HSF1: variants seen among roughly 807,000 people sequenced by gnomAD.
HSF1 encodes heat shock factor protein 1.
A neutral mutation model predicts 51.7 loss-of-function variants in HSF1; 32 were observed. The observed-to-expected ratio is 0.62, with a 90% confidence interval of 0.47 to 0.83. The LOEUF (loss-of-function observed/expected upper bound fraction) is 0.83. HSF1 is among the 40% of genes least tolerant of loss of function. HSF1 has a pLI of 0.00. For missense variants in HSF1, 727 were observed against 717.0 expected (o/e 1.01, Z -0.16); for synonymous variants, 396 against 309.7 (o/e 1.28, Z -2.92).
At chr8:144,295,903 G>A (rs1284329377) in intron 1 of HSF1, among the ~76,000 whole-genome samples, 3 of 152,110 alleles carry the variant, frequency 2.0e-5, no homozygotes, top group East Asian at 1.9e-4. Context: ...TTCGGATGGC[G>A]CTGGGAGTGG....
In HSF1 at chr8:144,314,138, G is replaced by A. The variant is rs1817057059; in HGVS notation, c.1398G>A (p.Val466=). The stretch of plus-strand genomic sequence containing the variant: ...CCACCCCCGCAGGGAAGCAGCTGGT[G>A]CACTACACAGCGCAGCCGCTGTTCC... ...NSSPDSGKQL[V]HYTAQPLFLL... Residue 466 remains valine (V), a synonymous_variant, in exon 13 of 13, where the codon GTG becomes GTA. Transcript: ENST00000528838. The A allele has an allele frequency of 1.3e-6, 2 of 1,545,472 alleles. No individual in the cohort carries two copies. Among genetic ancestry groups the A allele is most frequent in the African/African-American group, 1.4e-5 (1 of 72,126 alleles).
chr8:144,311,357 C>A lies in HSF1; in HGVS notation c.601C>A (p.Arg201=), dbSNP rs372957533. Reference sequence around the variant, plus strand: ...CCTGATCTCACTGGTGCAGTCAAACCGGATCCTGGGGGTGAAGAGAAAGAT... The same window carrying A: ...CCTGATCTCACTGGTGCAGTCAAACAGGATCCTGGGGGTGAAGAGAAAGAT... The part of the protein sequence containing the change: ...QFLISLVQSN[R]ILGVKRKIPL... Residue 201 remains arginine (R), a synonymous_variant, in exon 6 of 13, where the codon CGG becomes AGG. Transcript: ENST00000528838. The A allele has an allele frequency of 2.5e-5, 40 of 1,613,908 alleles. 1 individual carries two copies. Among genetic ancestry groups the A allele is most frequent in the Admixed American group, 5.0e-5 (3 of 60,008 alleles).
At chr8:144,299,887 T>C (rs576909094) in intron 1 of HSF1, among the ~76,000 whole-genome samples, 14 of 152,098 alleles carry the variant, frequency 9.2e-5, no homozygotes, top group African/African-American at 3.1e-4. Flanking sequence ...CCAGCCTGGG[T>C]GACAGAGCGA....
chr8:144,311,460 A>G, intron 6 of HSF1, 45 bp from the exon 7 acceptor site: 1 of 1,611,940 alleles, frequency 6.2e-7, no homozygotes, highest in Non-Finnish European at 8.5e-7. Context: ...TGCCCCGGGT[A>G]CCCCGAGGTG....
chr8:144,312,717 C>T (rs1554845261), intron 9 of HSF1: 4 of 1,534,702 alleles, frequency 2.6e-6, no homozygotes, highest in East Asian at 2.4e-5. Context: ...CCAGGGTTAG[C>T]GCTGACCCCA....
At chr8:144,295,057 G>A (rs545052323) in intron 1 of HSF1, among the ~76,000 whole-genome samples, 2 of 152,224 alleles carry the variant, frequency 1.3e-5, no homozygotes, top group South Asian at 4.2e-4. Context: ...ATAGAACTGA[G>A]ACCCATGAGA....
chr8:144,305,744 T>TG (rs1306629680), intron 1 of HSF1, among the ~76,000 whole-genome samples: 6 of 141,704 alleles, frequency 4.2e-5, no homozygotes, highest in African/African-American at 1.6e-4. Flanking sequence ...TTTTTTTTTT[T>TG]TTTTTTGAGA....
rs540599127 is a variant in HSF1, at chr8:144,311,007, T to C, written c.489-167T>C. 70 of 647,028 alleles carry C rather than the reference T, an allele frequency of 1.1e-4. 1 individual carries two copies. In the East Asian group the frequency reaches 1.9e-3, roughly 18 times the overall value. The allele number at this position is 647,028 out of a possible 1,614,324, so 40.1% of individuals were successfully genotyped here. On this transcript the variant is annotated intron_variant, in intron 4 of 12. Coordinates refer to ENST00000528838, the MANE Select transcript of HSF1 (RefSeq NM_005526.4). ...CAGTGGGACCAGCAAGCCCTGGCCCTGGCCCCCAGTCCCTCCACACACAAG... is the reference window on the plus strand; with the variant it reads ...CAGTGGGACCAGCAAGCCCTGGCCCCGGCCCCCAGTCCCTCCACACACAAG...
Position 144,311,812 on chromosome 8 carries a change from C to A in HSF1, c.836C>A (p.Ser279Tyr). Reference sequence around the variant, plus strand: ...CTGGCTCCTGCCAGCCCCATGGCCTCCCCCGGCGGGAGCATAGACGAGAGG... The same window carrying A: ...CTGGCTCCTGCCAGCCCCATGGCCTACCCCGGCGGGAGCATAGACGAGAGG... ...TELAPASPMA[S>Y]PGGSIDERPL... Residue 279 changes from serine to tyrosine, a missense_variant, in exon 8 of 13, where the codon TCC becomes TAC. This residue lies in a region of HSF1 where 470 missense variants were observed against 398.8 expected (regional missense o/e 1.18). Transcript: ENST00000528838. 6.2e-7 allele frequency: 1 copy of A among 1,610,722 alleles called. No individual in the cohort carries two copies. The highest frequency in any genetic ancestry group is 1.7e-4 in the Middle Eastern group (1 of 6,044).
At chr8:144,295,308 T>A (rs781815972) in intron 1 of HSF1, among the ~76,000 whole-genome samples, 1 of 152,242 alleles carries the variant, frequency 6.6e-6, no homozygotes, top group Non-Finnish European at 1.5e-5. Context: ...TTACAAGCTA[T>A]GATTTTGTCC....
intron 1 of HSF1, among the ~76,000 whole-genome samples, chr8:144,298,598 C>A (rs1431002119): frequency 1.4e-4 from 19 of 139,652 alleles, no homozygotes; most frequent in Non-Finnish European, 1.4e-4. Flanking sequence ...GAAACTGTCT[C>A]AAAAAAAAAA....
chr8:144,311,893 C>T (rs1816692198), intron 8 of HSF1, 57 bp downstream of exon 8: 2 of 1,583,168 alleles, frequency 1.3e-6, no homozygotes, highest in East Asian at 2.2e-5. Flanking sequence ...CCCCTGTGGG[C>T]CCAGGGCAGA....
chr8:144,310,117 G>T, intron 4 of HSF1: 1 of 570,896 alleles, frequency 1.8e-6, no homozygotes, highest in Non-Finnish European at 3.1e-6. Context: ...GGTTGGGAGG[G>T]TCCCCTGCTC....
chr8:144,311,597 A>G lies in HSF1; in HGVS notation c.719A>G (p.Tyr240Cys). Residue 240 changes from tyrosine (Y) to cysteine (C), a missense_variant, in exon 7 of 13, where the codon TAC becomes TGC. Transcript: ENST00000528838. Reference protein sequence around the residue: ...SLEHVHGSGPYSAPSPAYSSS... With the variant: ...SLEHVHGSGPCSAPSPAYSSS... The stretch of plus-strand genomic sequence containing the variant: ...GAGCACGTCCACGGCTCGGGCCCCT[A>G]CTCGGTGAGTGCCGGAGACAGGGCA... The G allele has an allele frequency of 6.2e-7, 1 of 1,613,128 alleles. No homozygotes were observed. The highest frequency in any genetic ancestry group is 1.1e-5 in the South Asian group (1 of 91,060).
chr8:144,310,212 G>T, intron 4 of HSF1: 1 of 323,784 alleles, frequency 3.1e-6, no homozygotes, highest in South Asian at 4.1e-5. Context: ...TTGAGGACAA[G>T]CCTTGCACAG....
chr8:144,300,667 A>C (rs1815805008), intron 1 of HSF1, among the ~76,000 whole-genome samples: 1 of 152,222 alleles, frequency 6.6e-6, no homozygotes, highest in Admixed American at 6.5e-5. Flanking sequence ...CAAAATTGTC[A>C]AGGTTCTCAA....
chr8:144,314,457 C>A lies in HSF1; in HGVS notation c.*127C>A. Reference sequence around the variant, plus strand: ...GCCGCCATAGCCCCAGTAGGACAAACGGGCTCGGGTCTGGGCAGCACCTCT... The same window carrying A: ...GCCGCCATAGCCCCAGTAGGACAAAAGGGCTCGGGTCTGGGCAGCACCTCT... On this transcript the variant is annotated 3_prime_UTR_variant, in exon 13 of 13. Transcript: ENST00000528838. 1 of 765,334 alleles carries A rather than the reference C, an allele frequency of 1.3e-6. No individual in the cohort carries two copies. The highest frequency in any genetic ancestry group is 2.1e-6 in the Non-Finnish European group (1 of 468,954). 47.4% of individuals were successfully genotyped at this position (765,334 alleles called of 1,614,324 possible). A position where few individuals can be genotyped will look rare whatever the true frequency, so the allele number is the denominator to read the frequency against.
chr8:144,295,390 G>A (rs1438512024), intron 1 of HSF1, among the ~76,000 whole-genome samples: 1 of 152,234 alleles, frequency 6.6e-6, no homozygotes, highest in African/African-American at 2.4e-5. Flanking sequence ...TACAGCCCCA[G>A]GAGCCACCCA....
Position 144,309,534 on chromosome 8 carries a change from A to G in HSF1, c.306A>G (p.Pro102=), listed in dbSNP as rs782344899. 5.6e-6 allele frequency: 9 copies of G among 1,613,896 alleles called. No individual in the cohort carries two copies. Among genetic ancestry groups the G allele is most frequent in the African/African-American group, 1.3e-5 (1 of 74,902 alleles). ...GAGACGACACGGAGTTCCAGCACCC[A>G]TGCTTCCTGCGTGGCCAGGAGCAGC... ...PERDDTEFQH[P]CFLRGQEQLL... The change falls in exon 3 of 13, where the codon CCA becomes CCG. Residue 102 remains proline, a synonymous_variant. Coordinates refer to ENST00000528838, the MANE Select transcript of HSF1 (RefSeq NM_005526.4).
Sources: gnomAD v4.1 joint callset for allele counts (sites outside exome capture counted in the v4.1 genomes callset) on GRCh38, gnomAD v4.1.1 for gene constraint, gnomAD v4.1.1 regional missense constraint, MANE v1.5 for transcripts, NCBI Gene and HGNC (gene_info 2026-07-23, HGNC 2026-07-21) for gene names.